TGM3: variants seen among roughly 807,000 people sequenced by gnomAD.
TGM3 encodes protein-glutamine gamma-glutamyltransferase E.
In TGM3, 52 loss-of-function variants were observed where a neutral mutation model predicts 73.8. The ratio of observed to expected loss-of-function variants is 0.70; its 90% CI spans 0.56 to 0.89. The LOEUF (loss-of-function observed/expected upper bound fraction) is 0.89, where lower values mean the gene tolerates loss of function less well. TGM3 is among the 40% of genes least tolerant of loss of function. The probability of loss-of-function intolerance (pLI) is 0.00; values close to 1 mark genes in which losing one functional copy is unlikely to be tolerated. For missense variants in TGM3, 928 were observed against 909.9 expected, an observed-to-expected ratio of 1.02 and a Z score of -0.26; for synonymous variants, 372 against 354.9, an observed-to-expected ratio of 1.05 and a Z score of -0.54.
intron 11 of TGM3, among the ~76,000 whole-genome samples, chr20:2,337,255 G>A (rs1351055668): frequency 1.3e-5 from 2 of 152,174 alleles, no homozygotes; most frequent in Non-Finnish European, 2.9e-5. Context: ...TGCCCTGCGT[G>A]TGACAGCCTC....
intron 8 of TGM3, among the ~76,000 whole-genome samples, chr20:2,327,880 A>G (rs2084297090): frequency 6.6e-6 from 1 of 152,228 alleles, no homozygotes; most frequent in Non-Finnish European, 1.5e-5. Flanking sequence ...AGCATGGATT[A>G]GGCGCCCGGA....
chr20:2,317,300 C>T, intron 6 of TGM3, 50 bp from the exon 7 acceptor site: 1 of 1,613,908 alleles, frequency 6.2e-7, no homozygotes, highest in Non-Finnish European at 8.5e-7. Context: ...TGGGCTATGC[C>T]AAGGTACCAT....
chr20:2,334,982 G>T lies in TGM3; in HGVS notation c.1643-134G>T, dbSNP rs558776791. 9.9e-5 allele frequency: 113 copies of T among 1,139,194 alleles called. No individual in the cohort carries two copies. In the African/African-American group the frequency reaches 1.5e-3, roughly 15 times the overall value. The allele number at this position is 1,139,194 out of a possible 1,614,324, so 70.6% of individuals were successfully genotyped here. A position where few individuals can be genotyped will look rare whatever the true frequency, so the allele number is the denominator to read the frequency against. On this transcript the variant is annotated intron_variant, in intron 10 of 12. Coordinates refer to ENST00000381458, the MANE Select transcript of TGM3 (RefSeq NM_003245.4). The surrounding 1 kb of genome is among the most constrained non-coding windows in gnomAD (Gnocchi z 4.0). Reference sequence around the variant, plus strand: ...ACGCTTCCCACAGGACCTGGCCCAAGGAGGGCTCAGTCAAGCCCGGGGCTG... The same window carrying T: ...ACGCTTCCCACAGGACCTGGCCCAATGAGGGCTCAGTCAAGCCCGGGGCTG...
At chr20:2,324,109 T>C (rs2014017) in intron 7 of TGM3, among the ~76,000 whole-genome samples, 95,533 of 151,962 alleles carry the variant, frequency 0.63, 31,331 homozygotes, top group East Asian at 0.82. Context: ...TCATCTATCT[T>C]CAAATTTATT....
chr20:2,340,383 C>T (rs772297209), intron 12 of TGM3, 51 bp from the exon 13 acceptor site: 2 of 1,607,668 alleles, frequency 1.2e-6, no homozygotes. Context: ...GCCCGTCCAG[C>T]CCAAGGTCCG....
chr20:2,313,655 T>C (rs2048772898), intron 5 of TGM3, among the ~76,000 whole-genome samples: 1 of 151,202 alleles, frequency 6.6e-6, no homozygotes, highest in African/African-American at 2.4e-5. Context: ...ACACACACTC[T>C]CTCTCTCTCT....
At chr20:2,329,306 C>CA (rs1363157589) in intron 9 of TGM3, among the ~76,000 whole-genome samples, 2 of 152,096 alleles carry the variant, frequency 1.3e-5, no homozygotes, top group Middle Eastern at 3.2e-3. Context: ...GCCGAGTTTA[C>CA]AAAAAAGGAA....
At chr20:2,306,402 G>A (rs1278930721) in intron 1 of TGM3, among the ~76,000 whole-genome samples, 3 of 151,060 alleles carry the variant, frequency 2.0e-5, no homozygotes, top group East Asian at 3.9e-4. Context: ...TAGAGTTCCT[G>A]TTTCCTAAAA....
chr20:2,332,722 A>G lies in TGM3; in HGVS notation c.1642+412A>G, dbSNP rs1040799962. On this transcript the variant is annotated intron_variant, in intron 10 of 12. Transcript: ENST00000381458. This position sits in a 1 kb window ranked among gnomAD's most constrained non-coding sequence, Gnocchi z 4.4. ...TCGGAGATAAAGTATCATAGATAGT[A>G]GTGGTAGTGCTGAGTCTTGGTCCTA... Among the ~76,000 whole-genome samples the G allele has an allele frequency of 2.5e-4, 38 of 152,328 alleles. No individual in the cohort carries two copies. The highest frequency in any genetic ancestry group is 2.0e-3 in the Admixed American group (30 of 15,296).
At chr20:2,314,249 T>C (rs1164357732) in intron 5 of TGM3, among the ~76,000 whole-genome samples, 1 of 152,088 alleles carries the variant, frequency 6.6e-6, no homozygotes, top group African/African-American at 2.4e-5. Flanking sequence ...GGCAGGGGGA[T>C]TACTTGAACC....
In TGM3 at chr20:2,317,118, T is replaced by G; in HGVS notation, c.720T>G (p.Thr240=). ...NGVLAGNWSG[T]YTGGRDPRSW... ...TGCTTGCTGGGAATTGGAGCGGCAC[T>G]TACACCGGTGGCCGGGACCCAAGGA... is the stretch of plus-strand genomic sequence containing the variant. Residue 240 remains threonine, a synonymous_variant, in exon 6 of 13, where the codon ACT becomes ACG. Coordinates refer to ENST00000381458, the MANE Select transcript of TGM3 (RefSeq NM_003245.4). 6.2e-7 allele frequency: 1 copy of G among 1,613,934 alleles called. No individual in the cohort carries two copies. The highest frequency in any genetic ancestry group is 1.1e-5 in the South Asian group (1 of 91,062).
At chr20:2,331,316 G>A (rs2084319770) in intron 9 of TGM3, among the ~76,000 whole-genome samples, 2 of 152,012 alleles carry the variant, frequency 1.3e-5, no homozygotes, top group Admixed American at 1.3e-4. Context: ...ATTCTCTGTG[G>A]GCTACTTACG....
At chr20:2,331,412 A>G (rs2084320232) in intron 9 of TGM3, among the ~76,000 whole-genome samples, 1 of 152,080 alleles carries the variant, frequency 6.6e-6, no homozygotes, top group Non-Finnish European at 1.5e-5. Flanking sequence ...GAAAACTGAA[A>G]TCTCTGGACA....
intron 7 of TGM3, among the ~76,000 whole-genome samples, chr20:2,321,736 G>T (rs1022189866): frequency 6.6e-6 from 1 of 152,146 alleles, no homozygotes; most frequent in African/African-American, 2.4e-5. Flanking sequence ...CCCGAGGTTG[G>T]GGGGTGGGAG....
In TGM3 at chr20:2,340,732, C is replaced by T. The variant is rs970362765; in HGVS notation, c.*151C>T. 1.3e-5 allele frequency: 13 copies of T among 983,866 alleles called. No homozygotes were observed. Among genetic ancestry groups the T allele is most frequent in the Admixed American group, 8.1e-5 (4 of 49,368 alleles). 60.9% of individuals were successfully genotyped at this position (983,866 alleles called of 1,614,324 possible). On this transcript the variant is annotated 3_prime_UTR_variant, in exon 13 of 13. Transcript: ENST00000381458. ...ATGGACCTCCAGGCTCCAGCACATC[C>T]CCCTCTCCTCTCCCCCAGGTTGGGG...
chr20:2,315,340 C>T (rs1160128899), intron 5 of TGM3, among the ~76,000 whole-genome samples: 1 of 152,228 alleles, frequency 6.6e-6, no homozygotes, highest in African/African-American at 2.4e-5. Flanking sequence ...CAGAGATGAC[C>T]GTGCTGATAG....
chr20:2,328,063 G>A lies in TGM3; in HGVS notation c.1088-57G>A, dbSNP rs1035843405. 12 of 1,606,946 alleles carry A rather than the reference G, an allele frequency of 7.5e-6. No homozygotes were observed. Among genetic ancestry groups the A allele is most frequent in the Non-Finnish European group, 1.0e-5 (12 of 1,175,354 alleles). ...GGTCCTGGAAGGCCCTGGGGAATCG[G>A]GCACTGGGTAGGTTGTGGCCTTGGC... On this transcript the variant is annotated intron_variant, in intron 8 of 12. Transcript: ENST00000381458. The surrounding 1 kb of genome is among the most constrained non-coding windows in gnomAD (Gnocchi z 5.2).
chr20:2,300,541 T>C (rs1208641888), intron 1 of TGM3, among the ~76,000 whole-genome samples: 1 of 152,180 alleles, frequency 6.6e-6, no homozygotes, highest in Non-Finnish European at 1.5e-5. Flanking sequence ...GCTGCCTTGG[T>C]TGGCTACAGG....
In TGM3 at chr20:2,312,933, C is replaced by A. The variant is rs922245940; in HGVS notation, c.576C>A (p.Ile192=). The change falls in exon 5 of 13, where the codon ATC becomes ATA. Residue 192 remains isoleucine, a synonymous_variant. Coordinates refer to ENST00000381458, the MANE Select transcript of TGM3 (RefSeq NM_003245.4). Reference sequence around the variant, plus strand: ...ACATTCTCAGCATCTGCCTCTCAATCTTGGATAGGAGTCTGAATTTCCGCC... The same window carrying A: ...ACATTCTCAGCATCTGCCTCTCAATATTGGATAGGAGTCTGAATTTCCGCC... ...EEDILSICLS[I]LDRSLNFRRD... is the part of the protein sequence containing the mutation. The A allele has an allele frequency of 1.2e-6, 2 of 1,614,058 alleles. No homozygotes were observed. Among genetic ancestry groups the A allele is most frequent in the African/African-American group, 2.7e-5 (2 of 74,926 alleles).
Sources: allele counts gnomAD v4.1 joint callset (sites outside exome capture counted in the v4.1 genomes callset), GRCh38; gene constraint gnomAD v4.1.1; non-coding constraint Gnocchi (gnomAD v3.1); transcripts MANE v1.5; gene names NCBI Gene and HGNC (gene_info 2026-07-23, HGNC 2026-07-21).